UBE2E2: variants seen among roughly 807,000 people sequenced by gnomAD.
The protein encoded by UBE2E2 is ubiquitin conjugating enzyme E2 E2.
Under a neutral mutation model 24.7 loss-of-function variants are expected in UBE2E2, and 6 were observed. The ratio of observed to expected loss-of-function variants is 0.24; its 90% CI spans 0.13 to 0.48. The LOEUF is 0.48. UBE2E2 is among the 20% of genes least tolerant of loss of function. The pLI is 0.99. For missense variants in UBE2E2, 169 were observed against 245.0 expected, an observed-to-expected ratio of 0.69 and a Z score of 2.07; for synonymous variants, 104 against 83.6, an observed-to-expected ratio of 1.24 and a Z score of -1.33.
intron 3 of UBE2E2, among the ~76,000 whole-genome samples, chr3:23,406,191 A>G (rs1410349509): frequency 1.3e-5 from 2 of 152,246 alleles, no homozygotes; most frequent in South Asian, 4.1e-4. Context: ...TCCAGTTTGT[A>G]AAGATTTGTT....
intron 3 of UBE2E2, among the ~76,000 whole-genome samples, chr3:23,258,506 T>A (rs1430330251): frequency 6.6e-6 from 1 of 152,176 alleles, no homozygotes; most frequent in African/African-American, 2.4e-5. Context: ...ATCAGTTTTG[T>A]TAATAACAAC....
intron 3 of UBE2E2, among the ~76,000 whole-genome samples, chr3:23,310,145 C>T (rs1694332963): frequency 6.6e-6 from 1 of 152,138 alleles, no homozygotes; most frequent in Non-Finnish European, 1.5e-5. Context: ...CACAATATAA[C>T]ACCTTTCCTT....
At chr3:23,493,147 T>TG (rs1452832104) in intron 3 of UBE2E2, among the ~76,000 whole-genome samples, 1 of 152,166 alleles carries the variant, frequency 6.6e-6, no homozygotes, top group African/African-American at 2.4e-5. Context: ...CCTCTTTACC[T>TG]GTCCCAAAGT....
chr3:23,268,381 C>G (rs1382250363), intron 3 of UBE2E2, among the ~76,000 whole-genome samples: 1 of 151,936 alleles, frequency 6.6e-6, no homozygotes. Context: ...AATCAATGTA[C>G]AAAAATCACA....
chr3:23,579,241 C>T (rs1465933445), intron 5 of UBE2E2, among the ~76,000 whole-genome samples: 1 of 152,028 alleles, frequency 6.6e-6, no homozygotes, highest in East Asian at 1.9e-4. Flanking sequence ...AAAAATTAGC[C>T]AGGCATGATG....
intron 4 of UBE2E2, among the ~76,000 whole-genome samples, chr3:23,506,004 C>A (rs905712416): frequency 3.6e-4 from 54 of 152,112 alleles, no homozygotes; most frequent in African/African-American, 1.3e-3. Flanking sequence ...ACAACTGCAC[C>A]CTTACTCTAG....
intron 4 of UBE2E2, among the ~76,000 whole-genome samples, chr3:23,508,736 A>G (rs1575674512): frequency 6.6e-6 from 1 of 152,058 alleles, no homozygotes; most frequent in African/African-American, 2.4e-5. Flanking sequence ...ATGTGACCGC[A>G]CTCTAAATGG....
At chr3:23,349,802 G>A (rs1695679876) in intron 3 of UBE2E2, among the ~76,000 whole-genome samples, 1 of 152,232 alleles carries the variant, frequency 6.6e-6, no homozygotes, top group Non-Finnish European at 1.5e-5. Flanking sequence ...ACCCCTGGGG[G>A]CAGGGCACAG....
intron 5 of UBE2E2, among the ~76,000 whole-genome samples, chr3:23,558,475 A>C (rs1695843078): frequency 6.6e-6 from 1 of 152,182 alleles, no homozygotes; most frequent in Non-Finnish European, 1.5e-5. Context: ...CTGGTAAATG[A>C]ATTCAGATTA....
intron 3 of UBE2E2, among the ~76,000 whole-genome samples, chr3:23,314,501 G>A (rs1221927916): frequency 1.3e-5 from 2 of 152,130 alleles, no homozygotes; most frequent in Non-Finnish European, 2.9e-5. Context: ...ATCACAATTA[G>A]TGTTATAATA....
intron 3 of UBE2E2, among the ~76,000 whole-genome samples, chr3:23,324,762 CT>C (rs1694838147): frequency 6.6e-6 from 1 of 150,548 alleles, no homozygotes; most frequent in African/African-American, 2.4e-5. Context: ...TTTTCAAGAT[CT>C]TTTCACACCT....
At chr3:23,406,094 C>T (rs1697351146) in intron 3 of UBE2E2, among the ~76,000 whole-genome samples, 1 of 152,188 alleles carries the variant, frequency 6.6e-6, no homozygotes, top group Non-Finnish European at 1.5e-5. Flanking sequence ...AACTGGGTTA[C>T]TTAAAAGTAC....
intron 3 of UBE2E2, among the ~76,000 whole-genome samples, chr3:23,242,969 C>G (rs1697296446): frequency 6.6e-6 from 1 of 151,856 alleles, no homozygotes; most frequent in Non-Finnish European, 1.5e-5. Flanking sequence ...GCCTGTGATC[C>G]CAGCTACTTG....
At chr3:23,487,236 C>T (rs1380192553) in intron 3 of UBE2E2, among the ~76,000 whole-genome samples, 1 of 152,220 alleles carries the variant, frequency 6.6e-6, no homozygotes, top group African/African-American at 2.4e-5. Flanking sequence ...TGCACTGGAG[C>T]AGGTGCTGGG....
At chr3:23,567,154 A>G (rs1298427343) in intron 5 of UBE2E2, among the ~76,000 whole-genome samples, 2 of 152,224 alleles carry the variant, frequency 1.3e-5, no homozygotes, top group Admixed American at 6.5e-5. Context: ...TTCTGCCAGC[A>G]GAAAGATGGA....
At chr3:23,208,975 G>C in intron 2 of UBE2E2, 100 bp downstream of exon 2, 1 of 1,249,326 alleles carries the variant, frequency 8.0e-7, no homozygotes, top group East Asian at 2.6e-5. Flanking sequence ...GATGTCGGCC[G>C]TGAACTTCAT....
intron 3 of UBE2E2, among the ~76,000 whole-genome samples, chr3:23,252,813 C>T (rs1697611177): frequency 6.6e-6 from 1 of 152,134 alleles, no homozygotes; most frequent in African/African-American, 2.4e-5. Flanking sequence ...TTTTCTTAAA[C>T]CATATTATTT....
intron 4 of UBE2E2, 40 bp from the exon 5 acceptor site, chr3:23,532,514 C>G: frequency 6.8e-7 from 1 of 1,473,190 alleles, no homozygotes; most frequent in Non-Finnish European, 9.2e-7. Flanking sequence ...TGTTAATAAA[C>G]ACTTTGTCTA....
chr3:23,290,889 T>TAA (rs71051209), intron 3 of UBE2E2, among the ~76,000 whole-genome samples: 24,995 of 86,264 alleles, frequency 0.29, 4,014 homozygotes, highest in East Asian at 0.33. Context: ...ACTGTGTGTC[T>TAA]AAAAAAAAAA....
Sources: allele counts gnomAD v4.1 joint callset (sites outside exome capture counted in the v4.1 genomes callset), GRCh38; gene constraint gnomAD v4.1.1; transcripts MANE v1.5; gene names NCBI Gene and HGNC (gene_info 2026-07-23, HGNC 2026-07-21).